Variants in RABGAP1L observed in about 807,000 individuals in gnomAD.
RABGAP1L encodes RAB GTPase activating protein 1 like.
In RABGAP1L, 63 loss-of-function variants were observed where a neutral mutation model predicts 137.7. That is an observed-to-expected ratio of 0.46 (90% CI 0.37 to 0.56). RABGAP1L has a LOEUF of 0.56. RABGAP1L is among the 20% of genes least tolerant of loss of function. The pLI is 0.00. For synonymous variants in RABGAP1L, 431 were observed against 433.7 expected (o/e 0.99, Z 0.08); for missense variants, 1,095 against 1,244.0 (o/e 0.88, Z 1.80).
chr1:174,288,344 C>T (rs1421104419), intron 10 of RABGAP1L, among the ~76,000 whole-genome samples: 1 of 152,000 alleles, frequency 6.6e-6, no homozygotes, highest in East Asian at 1.9e-4. Flanking sequence ...AATTAGTATC[C>T]TTTCATTTCA....
At chr1:174,461,063 A>G (rs1395278930) in intron 13 of RABGAP1L, among the ~76,000 whole-genome samples, 1 of 152,068 alleles carries the variant, frequency 6.6e-6, no homozygotes, top group South Asian at 2.1e-4. Flanking sequence ...TTCTCCCATT[A>G]TTACTGCTAT....
chr1:174,755,031 TC>T (rs943240850), intron 18 of RABGAP1L, among the ~76,000 whole-genome samples: 1 of 152,128 alleles, frequency 6.6e-6, no homozygotes, highest in Non-Finnish European at 1.5e-5. Context: ...ATCTAATTCT[TC>T]CCCCAGCCCC....
intron 11 of RABGAP1L, among the ~76,000 whole-genome samples, chr1:174,314,088 TGTTA>T (rs1046456874): frequency 6.6e-5 from 10 of 152,114 alleles, no homozygotes; most frequent in Non-Finnish European, 1.5e-4. Flanking sequence ...TTTGGATTGG[TGTTA>T]GTTCTTTAAA....
chr1:174,337,452 AAGC>A (rs1473484551), intron 11 of RABGAP1L, among the ~76,000 whole-genome samples: 2 of 152,134 alleles, frequency 1.3e-5, no homozygotes, highest in South Asian at 2.1e-4. Context: ...GGCAGACTGA[AAGC>A]AGGCCATGAA....
intron 19 of RABGAP1L, among the ~76,000 whole-genome samples, chr1:174,906,143 A>G (rs1455806290): frequency 6.6e-6 from 1 of 151,964 alleles, no homozygotes; most frequent in Non-Finnish European, 1.5e-5. Context: ...TCAGCCTCCT[A>G]AGTAGCTAGG....
At chr1:174,257,238 G>A (rs911966701) in intron 7 of RABGAP1L, among the ~76,000 whole-genome samples, 5 of 152,242 alleles carry the variant, frequency 3.3e-5, no homozygotes, top group Non-Finnish European at 7.4e-5. Flanking sequence ...AGACAAAGAA[G>A]TACTAGGTAT....
intron 18 of RABGAP1L, among the ~76,000 whole-genome samples, chr1:174,771,149 G>A (rs1375172474): frequency 3.9e-5 from 6 of 152,190 alleles, no homozygotes; most frequent in Non-Finnish European, 8.8e-5. Context: ...CTTTGCCATG[G>A]CACATTTGAG....
chr1:174,448,033 T>C lies in RABGAP1L; in HGVS notation c.1710+53888T>C, dbSNP rs1022142476. 1.7e-6 allele frequency: 2 copies of C among 1,190,692 alleles called. No individual in the cohort carries two copies. Among genetic ancestry groups the C allele is most frequent in the African/African-American group, 1.5e-5 (1 of 65,716 alleles). 73.8% of individuals were successfully genotyped at this position (1,190,692 alleles called of 1,614,324 possible). ...ACTGAAGCAGGTTCTGAAACACTCA[T>C]GTGCGGTGTTTAACAGATGCTGGGC... On this transcript the variant is annotated intron_variant, in intron 13 of 25. Transcript: ENST00000681986. This position sits in a 1 kb window ranked among gnomAD's most constrained non-coding sequence, Gnocchi z 4.2.
chr1:174,966,231 G>A (rs772220841), intron 20 of RABGAP1L, among the ~76,000 whole-genome samples: 81 of 152,300 alleles, frequency 5.3e-4, no homozygotes, highest in East Asian at 1.9e-3. Flanking sequence ...AGTCGAGGGA[G>A]CTTTTTGTAC....
chr1:174,294,874 A>G (rs1250851901), intron 10 of RABGAP1L, among the ~76,000 whole-genome samples: 1 of 152,052 alleles, frequency 6.6e-6, no homozygotes, highest in Non-Finnish European at 1.5e-5. Flanking sequence ...TTCCTGAAAG[A>G]AAAGTTTTGA....
chr1:174,419,224 T>G (rs964756442), intron 13 of RABGAP1L, among the ~76,000 whole-genome samples: 6 of 152,206 alleles, frequency 3.9e-5, no homozygotes, highest in African/African-American at 1.2e-4. Context: ...GATCTCAAAG[T>G]TTAATGTGCA....
At position 174,972,853 on chromosome 1, in the gene RABGAP1L, C is replaced by CAAAAAAAAAAAAA. The variant is rs373159573; in HGVS notation, c.2545-3212_2545-3200dup. ...TGGGTGACAGAGCGAGACTCTGTCT[C>CAAAAAAAAAAAAA]AAAAAAAAAAAAAAAAAAAAAAAAA... On this transcript the variant is annotated intron_variant, in intron 21 of 25. Transcript: ENST00000681986. Among the ~76,000 whole-genome samples the CAAAAAAAAAAAAA allele has an allele frequency of 1.5e-4, 8 of 52,826 alleles. 2 individuals are homozygous for CAAAAAAAAAAAAA. The highest frequency in any genetic ancestry group is 6.0e-4 in the African/African-American group (8 of 13,380). The allele number at this position is 52,826 out of a possible 152,430, so 34.7% of individuals were successfully genotyped here.
At chr1:174,831,938 C>T (rs1558125360) in intron 19 of RABGAP1L, among the ~76,000 whole-genome samples, 2 of 147,276 alleles carry the variant, frequency 1.4e-5, no homozygotes, top group South Asian at 4.5e-4. Flanking sequence ...GAGAACAATG[C>T]GGTGGAAACA....
Position 174,280,471 on chromosome 1 carries a change from G to A in RABGAP1L, c.1323+1692G>A, listed in dbSNP as rs369542247. Among the ~76,000 whole-genome samples, 20 of 152,284 alleles carry A rather than the reference G, an allele frequency of 1.3e-4. No homozygotes were observed. The East Asian group carries it at 2.7e-3, about 21-fold the overall frequency. On this transcript the variant is annotated intron_variant, in intron 10 of 25. Coordinates refer to ENST00000681986, the MANE Select transcript of RABGAP1L (RefSeq NM_001366446.1). ...ATTGAATGAAACCAGAACTTGTCCT[G>A]TACCCAGACAGGATTAGACCAGACT...
At chr1:174,687,873 C>G (rs930877406) in intron 15 of RABGAP1L, among the ~76,000 whole-genome samples, 1 of 152,138 alleles carries the variant, frequency 6.6e-6, no homozygotes, top group Non-Finnish European at 1.5e-5. Flanking sequence ...TGTTCAAAAA[C>G]AGTTTTGAAT....
chr1:174,295,817 C>T (rs1335596022), intron 10 of RABGAP1L, among the ~76,000 whole-genome samples: 1 of 151,922 alleles, frequency 6.6e-6, no homozygotes, highest in Non-Finnish European at 1.5e-5. Flanking sequence ...CCACAAGTGG[C>T]CTGATAATGT....
At chr1:174,552,874 C>G (rs868332170) in intron 13 of RABGAP1L, among the ~76,000 whole-genome samples, 46 of 152,292 alleles carry the variant, frequency 3.0e-4, no homozygotes, top group African/African-American at 1.1e-3. Context: ...TCTCCATAAC[C>G]TCACCAGCAT....
At chr1:174,916,542 G>A (rs1242338596) in intron 19 of RABGAP1L, among the ~76,000 whole-genome samples, 1 of 152,142 alleles carries the variant, frequency 6.6e-6, no homozygotes, top group Non-Finnish European at 1.5e-5. Flanking sequence ...AAGTTTTTTT[G>A]TATTAAAATA....
chr1:174,700,032 C>T (rs1193757281), intron 16 of RABGAP1L, among the ~76,000 whole-genome samples: 7 of 152,140 alleles, frequency 4.6e-5, no homozygotes, highest in Non-Finnish European at 8.8e-5. Context: ...CCACGTAGAA[C>T]ACTTGGAAAA....
Sources: gnomAD v4.1 joint callset for allele counts (sites outside exome capture counted in the v4.1 genomes callset) on GRCh38, gnomAD v4.1.1 for gene constraint, Gnocchi (gnomAD v3.1) non-coding constraint, MANE v1.5 for transcripts, NCBI Gene and HGNC (gene_info 2026-07-23, HGNC 2026-07-21) for gene names.